Variants in HDX observed in about 807,000 individuals in gnomAD.
The protein encoded by HDX is highly divergent homeobox.
A neutral mutation model predicts 45.2 loss-of-function variants in HDX; 19 were observed. That is an observed-to-expected ratio of 0.42 (90% CI 0.29 to 0.62). HDX has a LOEUF of 0.62. Ranked by LOEUF, HDX falls within the 20% of genes least tolerant of loss-of-function variation. The pLI is 0.20. For synonymous variants in HDX, 188 were observed against 172.8 expected (o/e 1.09, Z -0.69); for missense variants, 532 against 493.9 (o/e 1.08, Z -0.73).
At position 84,333,983 on chromosome X, in the gene HDX, C is replaced by T. The variant is rs958237934; in HGVS notation, c.1741-141G>A. 1.9e-5 allele frequency: 7 copies of T among 360,773 alleles called. No individual in the cohort carries two copies. In the Admixed American group the frequency reaches 3.8e-4, roughly 20 times the overall value. The allele number at this position is 360,773 out of a possible 1,213,427, so 29.7% of individuals were successfully genotyped here. ...AAATTCTGATAACTGACTGGCTCCT[C>T]AGTGTTACATATAGTGTGTGTCTGA... On this transcript the variant is annotated intron_variant, in intron 8 of 10. Transcript: ENST00000373177.
At chrX:84,367,947 T>G (rs762036814) in intron 5 of HDX, among the ~76,000 whole-genome samples, 7 of 111,861 alleles carry the variant, frequency 6.3e-5, no homozygotes, top group Non-Finnish European at 1.3e-4. Flanking sequence ...TGTGTATACC[T>G]ATGTAACAAA....
chrX:84,440,468 A>G, intron 5 of HDX, 64 bp downstream of exon 5: 1 of 774,886 alleles, frequency 1.3e-6, no homozygotes, highest in Non-Finnish European at 2.0e-6. Context: ...AATTTTCTCA[A>G]TGGCATTTTT....
intron 5 of HDX, among the ~76,000 whole-genome samples, chrX:84,373,527 C>T (rs755846187): frequency 1.0e-4 from 11 of 110,268 alleles, no homozygotes; most frequent in African/African-American, 3.0e-4. Context: ...ACTGGCAAAC[C>T]GAATCCAGCA....
chrX:84,429,590 TTA>T (rs2039457517), intron 5 of HDX, among the ~76,000 whole-genome samples: 1 of 110,700 alleles, frequency 9.0e-6, no homozygotes, highest in Non-Finnish European at 1.9e-5. Flanking sequence ...CCATGGGATT[TTA>T]TATATAAATT....
chrX:84,420,967 C>A (rs1266331795), intron 5 of HDX, among the ~76,000 whole-genome samples: 1 of 112,075 alleles, frequency 8.9e-6, no homozygotes, highest in Non-Finnish European at 1.9e-5. Context: ...CTTTCTCAGA[C>A]AAACAGAAGC....
rs181935077 is a variant in HDX, at chrX:84,324,781, A to G, written c.1947+1397T>C. Among the ~76,000 whole-genome samples the G allele has an allele frequency of 2.0e-4, 22 of 110,662 alleles. No homozygotes were observed. In the Admixed American group the frequency reaches 2.0e-3, roughly 10 times the overall value. On this transcript the variant is annotated intron_variant, in intron 10 of 10. Transcript: ENST00000373177. Reference sequence around the variant, plus strand: ...TAGTTACTTGGCCATATAACTCTCAATTCACAACCATGCTATGACTTTCAA... The same window carrying G: ...TAGTTACTTGGCCATATAACTCTCAGTTCACAACCATGCTATGACTTTCAA...
At chrX:84,364,847 T>C (rs1039052852) in intron 5 of HDX, among the ~76,000 whole-genome samples, 1 of 110,957 alleles carries the variant, frequency 9.0e-6, no homozygotes, top group African/African-American at 3.3e-5. Context: ...ATAAGTGGGA[T>C]CAAGGAGTAT....
intron 4 of HDX, among the ~76,000 whole-genome samples, chrX:84,454,191 G>A (rs908958807): frequency 2.7e-5 from 3 of 111,332 alleles, no homozygotes; most frequent in African/African-American, 9.8e-5. Context: ...GAGAAAAGTA[G>A]AGGAAAAAGT....
chrX:84,460,594 A>G (rs753930229), intron 4 of HDX, among the ~76,000 whole-genome samples: 2 of 112,007 alleles, frequency 1.8e-5, no homozygotes, highest in Non-Finnish European at 3.8e-5. Context: ...CTAGTATCAT[A>G]CTGAATGGGG....
chrX:84,429,090 T>C (rs929306284), intron 5 of HDX, among the ~76,000 whole-genome samples: 1 of 110,822 alleles, frequency 9.0e-6, no homozygotes, highest in Non-Finnish European at 1.9e-5. Flanking sequence ...TCCTATAGCA[T>C]TGTAATAAGT....
chrX:84,384,252 G>A (rs2038255639), intron 5 of HDX, among the ~76,000 whole-genome samples: 1 of 111,336 alleles, frequency 9.0e-6, no homozygotes, highest in South Asian at 3.8e-4. Flanking sequence ...TGAGCTATGT[G>A]AGATCATATC....
intron 9 of HDX, among the ~76,000 whole-genome samples, chrX:84,327,030 G>A (rs1038438342): frequency 9.0e-6 from 1 of 111,519 alleles, no homozygotes; most frequent in African/African-American, 3.3e-5. Context: ...AACTTAAATG[G>A]TGAATTTGCA....
Position 84,423,374 on chromosome X carries a change from A to G in HDX, c.1305+17158T>C, listed in dbSNP as rs969396372. Among the ~76,000 whole-genome samples the G allele has an allele frequency of 4.5e-5, 5 of 110,015 alleles. No homozygotes were observed. In the East Asian group the frequency reaches 1.4e-3, roughly 31 times the overall value. On this transcript the variant is annotated intron_variant, in intron 5 of 10. Coordinates refer to ENST00000373177, the MANE Select transcript of HDX (RefSeq NM_001177479.2). ...GAATTGTAACACTTAAAGAAGAACT[A>G]ATACCAATCCTACTTAAACTATTCC...
intron 5 of HDX, among the ~76,000 whole-genome samples, chrX:84,381,967 A>G (rs1186639296): frequency 9.0e-6 from 1 of 111,594 alleles, no homozygotes; most frequent in African/African-American, 3.2e-5. Flanking sequence ...GGGATTAATA[A>G]CCAGAACATA....
chrX:84,370,664 A>G (rs769865546), intron 5 of HDX, among the ~76,000 whole-genome samples: 3 of 112,160 alleles, frequency 2.7e-5, no homozygotes, highest in African/African-American at 9.7e-5. Context: ...TTCAACTGAC[A>G]TTGCTCGGCT....
intron 1 of HDX, among the ~76,000 whole-genome samples, chrX:84,492,152 T>C (rs1012136761): frequency 2.7e-4 from 30 of 111,236 alleles, no homozygotes; most frequent in Non-Finnish European, 5.7e-5. Context: ...TGAGCTATTG[T>C]CTGGAAACTT....
At chrX:84,342,848 A>G (rs1307392104) in intron 7 of HDX, among the ~76,000 whole-genome samples, 2 of 111,433 alleles carry the variant, frequency 1.8e-5, no homozygotes, top group Non-Finnish European at 3.8e-5. Flanking sequence ...AGATTTGAAA[A>G]CTTAAAAATT....
rs1157932073 is a variant in HDX, at chrX:84,392,774, A to AT, written c.1306-31163dup. On this transcript the variant is annotated intron_variant, in intron 5 of 10. Coordinates refer to ENST00000373177, the MANE Select transcript of HDX (RefSeq NM_001177479.2). ...CGTATCCTGATTTTTGTAGCTACTG[A>AT]TTTTTTTATCACTAATTTTGTATCT... Among the ~76,000 whole-genome samples, 4 of 105,280 alleles carry AT rather than the reference A, an allele frequency of 3.8e-5. No homozygotes were observed. The South Asian group carries it at 1.3e-3, about 34-fold the overall frequency. 91.4% of individuals were successfully genotyped at this position (105,280 alleles called of 115,157 possible). A position where few individuals can be genotyped will look rare whatever the true frequency, so the allele number is the denominator to read the frequency against.
At chrX:84,388,627 G>C (rs2038373354) in intron 5 of HDX, among the ~76,000 whole-genome samples, 1 of 111,711 alleles carries the variant, frequency 9.0e-6, no homozygotes, top group African/African-American at 3.3e-5. Context: ...TGAAATTCTT[G>C]TGGTTTTTTT....
Sources: gnomAD v4.1 joint callset for allele counts (sites outside exome capture counted in the v4.1 genomes callset) on GRCh38, gnomAD v4.1.1 for gene constraint, MANE v1.5 for transcripts, NCBI Gene and HGNC (gene_info 2026-07-23, HGNC 2026-07-21) for gene names.